GRID2: variants seen among roughly 807,000 people sequenced by gnomAD.
GRID2 encodes the protein glutamate ionotropic receptor delta type subunit 2.
In GRID2, 33 loss-of-function variants were observed where a neutral mutation model predicts 114.8. The ratio of observed to expected loss-of-function variants is 0.29; its 90% CI spans 0.22 to 0.38. GRID2 has a LOEUF of 0.38. GRID2 is among the 10% of genes least tolerant of loss of function. The probability of loss-of-function intolerance (pLI) is 1.00; values close to 1 mark genes in which losing one functional copy is unlikely to be tolerated. For missense variants in GRID2, 1,184 were observed against 1,257.7 expected, an observed-to-expected ratio of 0.94 and a Z score of 0.89; for synonymous variants, 505 against 449.9, an observed-to-expected ratio of 1.12 and a Z score of -1.55.
At chr4:93,275,018 T>C (rs1579510276) in intron 8 of GRID2, among the ~76,000 whole-genome samples, 1 of 152,130 alleles carries the variant, frequency 6.6e-6, no homozygotes, top group Non-Finnish European at 1.5e-5. Flanking sequence ...ATTTTAAGGA[T>C]ATTTTCATCA....
At chr4:92,390,816 A>G (rs945963984) in intron 1 of GRID2, among the ~76,000 whole-genome samples, 29 of 152,128 alleles carry the variant, frequency 1.9e-4, no homozygotes, top group Middle Eastern at 3.2e-3. Flanking sequence ...GGTATAATAT[A>G]CAATTTTATC....
intron 1 of GRID2, among the ~76,000 whole-genome samples, chr4:92,476,387 CT>C (rs1722316279): frequency 1.3e-5 from 2 of 152,072 alleles, no homozygotes; most frequent in African/African-American, 2.4e-5. Context: ...AAAATATTGT[CT>C]TATTTAAACA....
chr4:92,749,528 T>C (rs778762164), intron 2 of GRID2, among the ~76,000 whole-genome samples: 3 of 152,074 alleles, frequency 2.0e-5, no homozygotes, highest in Non-Finnish European at 2.9e-5. Context: ...TTGGCCAAGA[T>C]GGTCTCCATC....
chr4:92,459,068 A>C (rs1417512421), intron 1 of GRID2, among the ~76,000 whole-genome samples: 1 of 152,148 alleles, frequency 6.6e-6, no homozygotes, highest in African/African-American at 2.4e-5. Flanking sequence ...TATCTTTGAA[A>C]CATTTTGTAT....
chr4:93,308,009 T>A (rs1327786449), intron 8 of GRID2, among the ~76,000 whole-genome samples: 1 of 152,146 alleles, frequency 6.6e-6, no homozygotes, highest in East Asian at 1.9e-4. Flanking sequence ...GAAGTAGATA[T>A]CAATTCAACA....
chr4:93,422,542 T>C (rs1288107407), intron 9 of GRID2, among the ~76,000 whole-genome samples: 2 of 152,200 alleles, frequency 1.3e-5, no homozygotes, highest in African/African-American at 4.8e-5. Flanking sequence ...TAGTTACTTT[T>C]ATCTAATTTT....
At chr4:92,591,225 G>A (rs1404769297) in intron 2 of GRID2, among the ~76,000 whole-genome samples, 4 of 152,022 alleles carry the variant, frequency 2.6e-5, no homozygotes, top group Admixed American at 6.6e-5. Context: ...TCTGCCATTC[G>A]AGGACTCAGC....
chr4:93,433,131 A>G (rs113369741), intron 10 of GRID2, among the ~76,000 whole-genome samples: 374 of 152,308 alleles, frequency 2.5e-3, no homozygotes, highest in Non-Finnish European at 4.0e-3. Flanking sequence ...ACATAGTAAT[A>G]ATAGGGTAAA....
chr4:92,764,921 A>G (rs1338322914), intron 2 of GRID2, among the ~76,000 whole-genome samples: 3 of 152,202 alleles, frequency 2.0e-5, no homozygotes, highest in African/African-American at 7.2e-5. Flanking sequence ...ATTAAAATAA[A>G]CACATCAAAT....
At chr4:92,511,723 C>A (rs1346942901) in intron 1 of GRID2, among the ~76,000 whole-genome samples, 2 of 151,804 alleles carry the variant, frequency 1.3e-5, no homozygotes, top group African/African-American at 4.8e-5. Context: ...ATAGTAGGAA[C>A]AAGCAAATCA....
intron 1 of GRID2, among the ~76,000 whole-genome samples, chr4:92,463,010 A>T (rs1560647582): frequency 6.6e-6 from 1 of 152,016 alleles, no homozygotes; most frequent in East Asian, 1.9e-4. Context: ...GTATAACATT[A>T]TAAAGTAAAC....
intron 11 of GRID2, among the ~76,000 whole-genome samples, chr4:93,486,493 T>G (rs1043749728): frequency 6.6e-6 from 1 of 151,774 alleles, no homozygotes; most frequent in Non-Finnish European, 1.5e-5. Flanking sequence ...GTACTCTTTA[T>G]AAAAATAATG....
intron 1 of GRID2, among the ~76,000 whole-genome samples, chr4:92,583,113 A>G (rs891890142): frequency 3.9e-5 from 6 of 152,074 alleles, no homozygotes; most frequent in Non-Finnish European, 5.9e-5. Context: ...AGAAACTGAG[A>G]GCTGTGGATT....
At chr4:92,434,022 G>A (rs560369114) in intron 1 of GRID2, among the ~76,000 whole-genome samples, 12 of 152,196 alleles carry the variant, frequency 7.9e-5, no homozygotes, top group South Asian at 2.1e-4. Context: ...ATAAACCCAC[G>A]TCAAAATTGT....
intron 2 of GRID2, among the ~76,000 whole-genome samples, chr4:92,936,688 G>A (rs1750698557): frequency 6.9e-6 from 1 of 145,972 alleles, no homozygotes; most frequent in African/African-American, 2.4e-5. Context: ...TCATAGTATT[G>A]CTGTAACTTC....
At chr4:93,287,152 C>T (rs1263926589) in intron 8 of GRID2, among the ~76,000 whole-genome samples, 1 of 151,864 alleles carries the variant, frequency 6.6e-6, no homozygotes, top group African/African-American at 2.4e-5. Flanking sequence ...AGCTTAGCCA[C>T]CAAGTAATTG....
intron 8 of GRID2, among the ~76,000 whole-genome samples, chr4:93,316,308 GA>G (rs1279052101): frequency 0.018 from 2,001 of 112,996 alleles, 53 homozygotes; most frequent in African/African-American, 0.067. Context: ...AAGAAAGAAA[GA>G]AAGAAAGAAA....
chr4:92,546,420 GT>G (rs1475803768), intron 1 of GRID2, among the ~76,000 whole-genome samples: 1 of 152,158 alleles, frequency 6.6e-6, no homozygotes, highest in East Asian at 1.9e-4. Context: ...TAAAAAGAGT[GT>G]TTTGAAAGCT....
At chr4:93,699,351 A>G (rs1366089668) in intron 14 of GRID2, among the ~76,000 whole-genome samples, 1 of 152,066 alleles carries the variant, frequency 6.6e-6, no homozygotes, top group East Asian at 1.9e-4. Context: ...ATAAATAGCC[A>G]TAAAAGTTAA....
Sources: gnomAD v4.1 joint callset for allele counts (sites outside exome capture counted in the v4.1 genomes callset) on GRCh38, gnomAD v4.1.1 for gene constraint, MANE v1.5 for transcripts, NCBI Gene and HGNC (gene_info 2026-07-23, HGNC 2026-07-21) for gene names.